The following CDH12 variants were observed in gnomAD, a reference collection of about 807,000 sequenced individuals.
The protein encoded by CDH12 is cadherin-12.
In CDH12, 41 loss-of-function variants were observed where a neutral mutation model predicts 74.1. The ratio of observed to expected loss-of-function variants is 0.55; its 90% CI spans 0.43 to 0.72. CDH12 has a LOEUF of 0.72. Among genes scored for constraint, CDH12 ranks in the 30% least tolerant of loss-of-function variants. CDH12 has a pLI of 0.00. For missense variants in CDH12, 945 were observed against 977.2 expected, an observed-to-expected ratio of 0.97 and a Z score of 0.44; for synonymous variants, 399 against 355.0, an observed-to-expected ratio of 1.12 and a Z score of -1.39.
intron 1 of CDH12, among the ~76,000 whole-genome samples, chr5:22,850,211 CT>C (rs1399547505): frequency 6.6e-6 from 1 of 151,958 alleles, no homozygotes; most frequent in African/African-American, 2.4e-5. Flanking sequence ...TTAAAAACAA[CT>C]TTGAGTAACT....
At chr5:21,870,014 G>A (rs1010006288) in intron 6 of CDH12, among the ~76,000 whole-genome samples, 11 of 152,108 alleles carry the variant, frequency 7.2e-5, no homozygotes, top group South Asian at 2.1e-4. Flanking sequence ...TCTTCTGGTG[G>A]TAAATGAGTC....
intron 1 of CDH12, among the ~76,000 whole-genome samples, chr5:22,798,696 T>C (rs1748354121): frequency 6.6e-6 from 1 of 152,174 alleles, no homozygotes. Context: ...GCATTGGTAG[T>C]TTTATATATT....
At chr5:22,721,891 CCTT>C (rs1167267696) in intron 1 of CDH12, among the ~76,000 whole-genome samples, 1 of 152,120 alleles carries the variant, frequency 6.6e-6, no homozygotes, top group African/African-American at 2.4e-5. Context: ...TTCTCCTTCT[CCTT>C]CTGCCATGAT....
intron 1 of CDH12, among the ~76,000 whole-genome samples, chr5:22,583,591 T>C (rs1377155948): frequency 6.6e-6 from 1 of 152,188 alleles, no homozygotes; most frequent in Admixed American, 6.5e-5. Context: ...ATGTAGAGGT[T>C]ATTTGCCTTG....
chr5:22,034,281 C>T (rs1425976996), intron 5 of CDH12, among the ~76,000 whole-genome samples: 1 of 152,168 alleles, frequency 6.6e-6, no homozygotes, highest in Non-Finnish European at 1.5e-5. Context: ...GTAATCTGCC[C>T]ACCTCGGCCT....
At chr5:22,097,489 C>T (rs1401687616) in intron 4 of CDH12, among the ~76,000 whole-genome samples, 2 of 152,138 alleles carry the variant, frequency 1.3e-5, no homozygotes, top group Non-Finnish European at 2.9e-5. Context: ...TAGGTATTGA[C>T]GGCCAGGCTT....
chr5:22,821,648 A>C (rs1192506602), intron 1 of CDH12, among the ~76,000 whole-genome samples: 13 of 152,058 alleles, frequency 8.5e-5, no homozygotes, highest in Non-Finnish European at 5.9e-5. Context: ...CAAAGAGAAT[A>C]AAATACCTAG....
intron 1 of CDH12, among the ~76,000 whole-genome samples, chr5:22,537,598 G>A (rs1242922036): frequency 1.3e-5 from 2 of 152,042 alleles, no homozygotes; most frequent in African/African-American, 4.8e-5. Context: ...TCTGGCCGGA[G>A]AGATGTCAGC....
At chr5:22,686,355 T>C (rs1007463900) in intron 1 of CDH12, among the ~76,000 whole-genome samples, 2 of 152,224 alleles carry the variant, frequency 1.3e-5, no homozygotes, top group Non-Finnish European at 2.9e-5. Flanking sequence ...GGATGATGTC[T>C]TTTGATGCAC....
rs1747030044 is a variant in CDH12, at chr5:22,144,507, C to T, written c.-186-65645G>A. Among the ~76,000 whole-genome samples, 6 of 152,204 alleles carry T rather than the reference C, an allele frequency of 3.9e-5. No individual in the cohort carries two copies. The South Asian group carries it at 1.2e-3, about 32-fold the overall frequency. On this transcript the variant is annotated intron_variant, in intron 4 of 14. Transcript: ENST00000382254. Reference sequence around the variant, plus strand: ...TTTTGATTATTTTTGGCCTCCTGGTCAATGCCTCACAGTCAAAATTTTAAT... The same window carrying T: ...TTTTGATTATTTTTGGCCTCCTGGTTAATGCCTCACAGTCAAAATTTTAAT...
At chr5:22,266,322 C>T (rs545730925) in intron 3 of CDH12, among the ~76,000 whole-genome samples, 1 of 152,166 alleles carries the variant, frequency 6.6e-6, no homozygotes, top group African/African-American at 2.4e-5. Flanking sequence ...ATCTGCCCAC[C>T]TCGGCCTCCC....
At chr5:22,012,110 A>G (rs1165658640) in intron 5 of CDH12, among the ~76,000 whole-genome samples, 3 of 148,034 alleles carry the variant, frequency 2.0e-5, no homozygotes, top group African/African-American at 7.8e-5. Context: ...ATTTTCTTTA[A>G]TTATTAACGA....
rs544256373 is a variant in CDH12 at position 22,685,941 on chromosome 5, A to G, written c.-523+167117T>C. Among the ~76,000 whole-genome samples the G allele has an allele frequency of 2.6e-5, 4 of 152,262 alleles. No individual in the cohort carries two copies. The South Asian group carries it at 6.2e-4, about 24-fold the overall frequency. On this transcript the variant is annotated intron_variant, in intron 1 of 14. Coordinates refer to ENST00000382254, the MANE Select transcript of CDH12 (RefSeq NM_004061.5). ...AGAATTGCTGGGTCATACTGTAGTA[A>G]TTATAGTTGGCATATTGAAGAACCG...
chr5:22,674,417 A>G (rs1015771363), intron 1 of CDH12, among the ~76,000 whole-genome samples: 1 of 152,226 alleles, frequency 6.6e-6, no homozygotes, highest in Non-Finnish European at 1.5e-5. Context: ...CTCCTCAGCC[A>G]TGTGGAACGG....
At chr5:22,625,528 T>C (rs1738241865) in intron 1 of CDH12, among the ~76,000 whole-genome samples, 1 of 151,794 alleles carries the variant, frequency 6.6e-6, no homozygotes, top group South Asian at 2.1e-4. Context: ...TCAGGAAGGG[T>C]TGTAGTGGAG....
In CDH12 at chr5:22,490,519, C is replaced by A. The variant is rs116198801; in HGVS notation, c.-428+14751G>T. ...AGAGAAAGTGCTGATAAATATCCCC[C>A]ATTCATAAGAAAAAAATTCACAAAG... On this transcript the variant is annotated intron_variant, in intron 2 of 14. Coordinates refer to ENST00000382254, the MANE Select transcript of CDH12 (RefSeq NM_004061.5). 8.2e-3 allele frequency among the ~76,000 whole-genome samples: 1,237 copies of A among 151,406 alleles called. 16 individuals are homozygous for A. The highest frequency in any genetic ancestry group is 0.029 in the African/African-American group (1,196 of 41,248).
At chr5:22,202,966 AT>A (rs1362802822) in intron 4 of CDH12, among the ~76,000 whole-genome samples, 1 of 152,094 alleles carries the variant, frequency 6.6e-6, no homozygotes, top group East Asian at 1.9e-4. Flanking sequence ...TTTAAAATTT[AT>A]TTTTTAATTG....
intron 1 of CDH12, among the ~76,000 whole-genome samples, chr5:22,569,080 A>G (rs1739423330): frequency 6.6e-6 from 1 of 152,224 alleles, no homozygotes; most frequent in Non-Finnish European, 1.5e-5. Context: ...TCTGTAGCAT[A>G]TGATACTGTT....
In CDH12 at chr5:22,740,300, A is replaced by G. The variant is rs74549542; in HGVS notation, c.-523+112758T>C. 8.9e-3 allele frequency among the ~76,000 whole-genome samples: 1,350 copies of G among 152,110 alleles called. 20 individuals are homozygous for G. The highest frequency in any genetic ancestry group is 0.031 in the African/African-American group (1,284 of 41,550). On this transcript the variant is annotated intron_variant, in intron 1 of 14. Coordinates refer to ENST00000382254, the MANE Select transcript of CDH12 (RefSeq NM_004061.5). ...TTTATAGGGGATTTTCTTTGCTTGA[A>G]TTACTTTACTAATTTGTTCAGCATT...
Sources: allele counts gnomAD v4.1 joint callset (sites outside exome capture counted in the v4.1 genomes callset), GRCh38; gene constraint gnomAD v4.1.1; transcripts MANE v1.5; gene names NCBI Gene and HGNC (gene_info 2026-07-23, HGNC 2026-07-21).